GLI3: variants seen among roughly 807,000 people sequenced by gnomAD.
The protein encoded by GLI3 is transcription activator GLI3.
A neutral mutation model predicts 100.8 loss-of-function variants in GLI3; 20 were observed. The ratio of observed to expected loss-of-function variants is 0.20; its 90% CI spans 0.14 to 0.29. GLI3 has a LOEUF of 0.29. GLI3 is among the 10% of genes least tolerant of loss of function. GLI3 has a pLI of 1.00. For missense variants in GLI3, 2,040 were observed against 2,128.5 expected (o/e 0.96, Z 0.82); for synonymous variants, 938 against 860.5 (o/e 1.09, Z -1.58).
intron 8 of GLI3, among the ~76,000 whole-genome samples, 191 bp from the exon 9 acceptor site, chr7:42,025,568 G>A (rs530188372): frequency 2.0e-5 from 3 of 152,256 alleles, no homozygotes; most frequent in South Asian, 2.1e-4. Flanking sequence ...ACGTTCATGC[G>A]GCAGCTCTTC....
intron 10 of GLI3, among the ~76,000 whole-genome samples, chr7:41,983,040 T>C (rs1787718415): frequency 6.6e-6 from 1 of 152,236 alleles, no homozygotes; most frequent in South Asian, 2.1e-4. Flanking sequence ...AACTTTCACG[T>C]GTCACAAAAT....
chr7:42,196,375 AG>A (rs1212707942), intron 2 of GLI3, among the ~76,000 whole-genome samples: 1 of 152,176 alleles, frequency 6.6e-6, no homozygotes, highest in Non-Finnish European at 1.5e-5. Flanking sequence ...TGTGGATGGG[AG>A]GGGCCAGCTT....
At chr7:42,218,474 A>G (rs1440613355) in intron 2 of GLI3, among the ~76,000 whole-genome samples, 1 of 150,512 alleles carries the variant, frequency 6.6e-6, no homozygotes, top group Non-Finnish European at 1.5e-5. Context: ...AACCGCAATT[A>G]CTTTTGCACC....
At chr7:42,204,426 T>C (rs557038129) in intron 2 of GLI3, among the ~76,000 whole-genome samples, 2 of 152,364 alleles carry the variant, frequency 1.3e-5, no homozygotes, top group South Asian at 4.1e-4. Context: ...TCCTCACCTC[T>C]TCTGTGAGAC....
At chr7:42,130,838 T>A (rs1786258100) in intron 3 of GLI3, among the ~76,000 whole-genome samples, 1 of 152,150 alleles carries the variant, frequency 6.6e-6, no homozygotes, top group African/African-American at 2.4e-5. Flanking sequence ...GTACATACTT[T>A]CAAACCACTA....
At chr7:42,187,306 T>C (rs933322774) in intron 2 of GLI3, among the ~76,000 whole-genome samples, 2 of 152,194 alleles carry the variant, frequency 1.3e-5, no homozygotes, top group African/African-American at 4.8e-5. Flanking sequence ...ATACATTTTC[T>C]TTTGAAAATG....
chr7:41,985,684 T>TA (rs1206716811), intron 10 of GLI3, among the ~76,000 whole-genome samples: 2 of 152,212 alleles, frequency 1.3e-5, no homozygotes, highest in African/African-American at 2.4e-5. Flanking sequence ...ATAAGGTCTA[T>TA]ACCCTCCAGT....
intron 1 of GLI3, among the ~76,000 whole-genome samples, chr7:42,255,524 A>T (rs1483094102): frequency 1.3e-5 from 2 of 152,160 alleles, no homozygotes; most frequent in Non-Finnish European, 2.9e-5. Flanking sequence ...TATGCTTTCT[A>T]TCCAAGTTTG....
intron 10 of GLI3, among the ~76,000 whole-genome samples, chr7:42,003,868 C>A (rs949386645): frequency 6.6e-6 from 1 of 151,828 alleles, no homozygotes; most frequent in Non-Finnish European, 1.5e-5. Context: ...CAAAGCAGCA[C>A]AAAAAATGAA....
chr7:42,014,581 C>A (rs184790071), intron 10 of GLI3, among the ~76,000 whole-genome samples: 2 of 152,306 alleles, frequency 1.3e-5, no homozygotes, highest in African/African-American at 4.8e-5. Flanking sequence ...TTTACATCCA[C>A]CAGTTTATTC....
At chr7:42,109,755 T>C (rs1785661527) in intron 3 of GLI3, among the ~76,000 whole-genome samples, 1 of 152,134 alleles carries the variant, frequency 6.6e-6, no homozygotes. Context: ...ACAAATTCCA[T>C]ACCCTGGAAC....
At chr7:42,205,153 G>A (rs1788123531) in intron 2 of GLI3, among the ~76,000 whole-genome samples, 1 of 152,122 alleles carries the variant, frequency 6.6e-6, no homozygotes, top group East Asian at 1.9e-4. Context: ...TGTTCTTAAA[G>A]GTGTTTGTGA....
In GLI3 at chr7:41,965,940, C is replaced by T. The variant is rs1166711228; in HGVS notation, c.3133G>A (p.Val1045Met). 1.9e-6 allele frequency: 3 copies of T among 1,612,470 alleles called. No homozygotes were observed. The highest frequency in any genetic ancestry group is 1.3e-5 in the African/African-American group (1 of 74,904). ...TCGGGCCGCGTGTAATTCTGAAGCA[C>T]GAGACTGCGCTTCTCCGCGGACGTG... ...MATSAEKRSL[V>M]LQNYTRPEGG... The change falls in exon 15 of 15, where the codon GTG (valine) becomes ATG (methionine). Residue 1045 changes from valine to methionine, a missense_variant. Physicochemically the swap from Val to Met is conservative, Grantham distance 21. Transcript: ENST00000395925.
chr7:42,238,920 G>A (rs536610372), upstream of GLI3, among the ~76,000 whole-genome samples: 296 of 152,328 alleles, frequency 1.9e-3, 1 homozygote, highest in Non-Finnish European at 2.8e-3. Context: ...GGAAGAGTGT[G>A]GGTGGATGAA....
At chr7:42,196,139 A>G (rs1241597390) in intron 2 of GLI3, among the ~76,000 whole-genome samples, 2 of 152,230 alleles carry the variant, frequency 1.3e-5, no homozygotes, top group Non-Finnish European at 2.9e-5. Flanking sequence ...TCAGAAGACA[A>G]TGCTGGCTCT....
intron 2 of GLI3, among the ~76,000 whole-genome samples, chr7:42,155,101 T>C (rs1786969653): frequency 6.6e-6 from 1 of 152,156 alleles, no homozygotes; most frequent in Non-Finnish European, 1.5e-5. Context: ...CTTCCTACTT[T>C]CACCAACCAG....
At position 41,978,755 on chromosome 7, in the gene GLI3, T is replaced by A. The variant is rs1438834021; in HGVS notation, c.1498-7A>T. ...TATGGTCGTTATTTATATGCTGGGG[T>A]TTGGAAAAAGAGAGAGAAATCAAAT... On this transcript the variant is annotated splice_polypyrimidine_tract_variant and splice_region_variant and intron_variant, in intron 10 of 14. Coordinates refer to ENST00000395925, the MANE Select transcript of GLI3 (RefSeq NM_000168.6). The A allele has an allele frequency of 1.9e-6, 3 of 1,613,202 alleles. No homozygotes were observed. Among genetic ancestry groups the A allele is most frequent in the Admixed American group, 3.3e-5 (2 of 60,016 alleles).
At chr7:42,064,146 T>G (rs1449325305) in intron 4 of GLI3, among the ~76,000 whole-genome samples, 1 of 152,152 alleles carries the variant, frequency 6.6e-6, no homozygotes, top group East Asian at 1.9e-4. Flanking sequence ...GCAAGACTTT[T>G]CAGCAGAGCT....
intron 3 of GLI3, among the ~76,000 whole-genome samples, chr7:42,123,062 A>G (rs1361723888): frequency 6.6e-6 from 1 of 152,232 alleles, no homozygotes; most frequent in East Asian, 1.9e-4. Context: ...TCATATCGGT[A>G]AAATCAATTG....
Sources: allele counts gnomAD v4.1 joint callset (sites outside exome capture counted in the v4.1 genomes callset), GRCh38; gene constraint gnomAD v4.1.1; transcripts MANE v1.5; gene names NCBI Gene and HGNC (gene_info 2026-07-23, HGNC 2026-07-21).